Variants in USP15 observed in about 807,000 individuals in gnomAD.
USP15 encodes the protein ubiquitin specific peptidase 15.
A neutral mutation model predicts 127.1 loss-of-function variants in USP15; 18 were observed. The observed-to-expected ratio is 0.14, with a 90% CI of 0.10 to 0.21. USP15 has a LOEUF of 0.21. USP15 is among the 10% of genes least tolerant of loss of function. The pLI, the probability that USP15 is intolerant of heterozygous loss-of-function variation, is 1.00. For synonymous variants in USP15, 364 were observed against 393.7 expected (o/e 0.92, Z 0.89); for missense variants, 805 against 1,159.9 (o/e 0.69, Z 4.44).
At chr12:62,372,465 T>G (rs1439222810) in intron 8 of USP15, among the ~76,000 whole-genome samples, 1 of 152,152 alleles carries the variant, frequency 6.6e-6, no homozygotes, top group Non-Finnish European at 1.5e-5. Flanking sequence ...TCTCTTAATA[T>G]TTGTTGAACA....
intron 1 of USP15, among the ~76,000 whole-genome samples, chr12:62,263,654 G>GT (rs1565796405): frequency 6.6e-6 from 1 of 152,156 alleles, no homozygotes; most frequent in Admixed American, 6.5e-5. Context: ...TAATACGAGA[G>GT]TAATACCTTT....
intron 1 of USP15, among the ~76,000 whole-genome samples, chr12:62,293,213 G>A (rs1458723303): frequency 6.6e-6 from 1 of 152,128 alleles, no homozygotes; most frequent in Non-Finnish European, 1.5e-5. Context: ...CCCTTTCCGT[G>A]CAACACCAAG....
At chr12:62,348,621 A>G (rs1221023666) in intron 6 of USP15, among the ~76,000 whole-genome samples, 2 of 152,238 alleles carry the variant, frequency 1.3e-5, no homozygotes, top group Non-Finnish European at 2.9e-5. Context: ...CCTTTAATAC[A>G]TACTTGTTGA....
chr12:62,343,460 G>A (rs576014858), intron 6 of USP15, among the ~76,000 whole-genome samples: 8 of 152,292 alleles, frequency 5.3e-5, no homozygotes, highest in East Asian at 3.9e-4. Flanking sequence ...CTGTAGTTAC[G>A]AGAAAAACTC....
At chr12:62,270,380 C>A (rs944715985) in intron 1 of USP15, among the ~76,000 whole-genome samples, 1 of 151,918 alleles carries the variant, frequency 6.6e-6, no homozygotes, top group African/African-American at 2.4e-5. Context: ...ATTCAATTTG[C>A]CTGTTTTTTC....
At chr12:62,342,896 G>T (rs1197361983) in intron 6 of USP15, among the ~76,000 whole-genome samples, 1 of 152,188 alleles carries the variant, frequency 6.6e-6, no homozygotes. Flanking sequence ...CACTTGAGGA[G>T]GCAGCCTGTC....
At chr12:62,371,796 T>A (rs17717265) in intron 8 of USP15, among the ~76,000 whole-genome samples, 1 of 152,110 alleles carries the variant, frequency 6.6e-6, no homozygotes, top group Non-Finnish European at 1.5e-5. Flanking sequence ...TGTATTTTGC[T>A]GTGGAGCTAA....
At chr12:62,379,959 A>C (rs2066939531) in intron 8 of USP15, among the ~76,000 whole-genome samples, 1 of 152,032 alleles carries the variant, frequency 6.6e-6, no homozygotes, top group South Asian at 2.1e-4. Flanking sequence ...CTAAGAGGTA[A>C]AAAGTTAGGG....
intron 6 of USP15, among the ~76,000 whole-genome samples, chr12:62,345,816 CAAAG>C (rs978631966): frequency 1.2e-4 from 18 of 152,152 alleles, no homozygotes; most frequent in East Asian, 3.9e-4. Context: ...TGGTGGCAGG[CAAAG>C]AAAGAGAGCT....
chr12:62,354,565 G>A (rs921899414), intron 7 of USP15, among the ~76,000 whole-genome samples: 11 of 151,756 alleles, frequency 7.2e-5, no homozygotes, highest in African/African-American at 2.2e-4. Flanking sequence ...AAGAGGGATC[G>A]TTTAACTTAT....
chr12:62,397,940 ATT>A, intron 20 of USP15, among the ~76,000 whole-genome samples: 1 of 149,530 alleles, frequency 6.7e-6, no homozygotes, highest in Non-Finnish European at 1.5e-5. Context: ...TTAAATTTTT[ATT>A]TTTGTTATTG....
At chr12:62,353,427 AT>A (rs1486752483) in intron 7 of USP15, among the ~76,000 whole-genome samples, 1 of 152,022 alleles carries the variant, frequency 6.6e-6, no homozygotes, top group African/African-American at 2.4e-5. Flanking sequence ...ATCTGAATAT[AT>A]ACTTATGGAA....
chr12:62,387,140 A>G (rs1164299842), intron 11 of USP15, among the ~76,000 whole-genome samples: 2 of 152,304 alleles, frequency 1.3e-5, no homozygotes, highest in South Asian at 2.1e-4. Flanking sequence ...CATGAGGAAC[A>G]CTTAGGTAGA....
chr12:62,409,246 C>T lies in USP15; in HGVS notation c.*4871C>T, dbSNP rs1252537874. ...TCAGGGTTGTGAAATAGATCTCAGA[C>T]TATTAAGGACATTCAGAAACTGGCT... is the stretch of plus-strand genomic sequence containing the variant. On this transcript the variant is annotated 3_prime_UTR_variant, in exon 22 of 22. Coordinates refer to ENST00000280377, the MANE Select transcript of USP15 (RefSeq NM_001252078.2). 6.6e-6 allele frequency: 1 copy of T among 152,094 alleles called. No homozygotes were observed. Among genetic ancestry groups the T allele is most frequent in the Non-Finnish European group, 1.5e-5 (1 of 68,018 alleles). 9.4% of individuals were successfully genotyped at this position (152,094 alleles called of 1,614,324 possible). A position where few individuals can be genotyped will look rare whatever the true frequency, so the allele number is the denominator to read the frequency against.
intron 1 of USP15, among the ~76,000 whole-genome samples, chr12:62,283,928 C>G (rs960751927): frequency 6.6e-6 from 1 of 152,056 alleles, no homozygotes; most frequent in Non-Finnish European, 1.5e-5. Context: ...GGCAGCAGAG[C>G]GAGACCCTAT....
At chr12:62,371,447 G>C (rs1459850740) in intron 8 of USP15, among the ~76,000 whole-genome samples, 1 of 152,112 alleles carries the variant, frequency 6.6e-6, no homozygotes, top group Non-Finnish European at 1.5e-5. Flanking sequence ...TTTTTACAAT[G>C]TGTCTATGGA....
chr12:62,272,817 T>C (rs1018787548), intron 1 of USP15, among the ~76,000 whole-genome samples: 1 of 152,100 alleles, frequency 6.6e-6, no homozygotes, highest in African/African-American at 2.4e-5. Flanking sequence ...CCATACAATT[T>C]AGATCATTTT....
chr12:62,271,146 A>G (rs933519621), intron 1 of USP15, among the ~76,000 whole-genome samples: 1 of 152,106 alleles, frequency 6.6e-6, no homozygotes, highest in Non-Finnish European at 1.5e-5. Context: ...CCCTCAGCAG[A>G]TGAAAATGAC....
At chr12:62,364,762 C>A (rs2066426096) in intron 8 of USP15, among the ~76,000 whole-genome samples, 1 of 151,720 alleles carries the variant, frequency 6.6e-6, no homozygotes, top group Non-Finnish European at 1.5e-5. Context: ...CTCCCTGTGT[C>A]CATGTGTTCT....
Sources: gnomAD v4.1 joint callset for allele counts (sites outside exome capture counted in the v4.1 genomes callset) on GRCh38, gnomAD v4.1.1 for gene constraint, MANE v1.5 for transcripts, NCBI Gene and HGNC (gene_info 2026-07-23, HGNC 2026-07-21) for gene names.